The following LIPC variants were observed in gnomAD, a reference collection of about 807,000 sequenced individuals.
The protein encoded by LIPC is lipase C, hepatic type.
In LIPC, 44 loss-of-function variants were observed where a neutral mutation model predicts 50.7. That is an observed-to-expected ratio of 0.87 (90% CI 0.68 to 1.11). The LOEUF is 1.11. Among genes scored for constraint, LIPC ranks in the 50% most tolerant of loss-of-function variants. LIPC has a pLI of 0.00. For synonymous variants in LIPC, 271 were observed against 256.4 expected (o/e 1.06, Z -0.54); for missense variants, 697 against 648.2 (o/e 1.08, Z -0.82).
chr15:58,566,272 A>G (rs1295282357), intron 8 of LIPC: 1 of 985,364 alleles, frequency 1.0e-6, no homozygotes, highest in Non-Finnish European at 1.2e-6. Flanking sequence ...GAGGAGGCCA[A>G]GAGGTGTTCC....
At position 58,545,751 on chromosome 15, in the gene LIPC, C is replaced by T. The variant is rs1893502290; in HGVS notation, c.584C>T (p.Ala195Val). ...CCTGCTTTCCCATTAGGGCTGGATG[C>T]CGCGGGACCTTTGTTTGAGGGAAGT... ...HKIGRITGLDAAGPLFEGSAP... is the reference protein window; with the variant it reads ...HKIGRITGLDVAGPLFEGSAP... The change falls in exon 5 of 9, where the codon GCC becomes GTC. Residue 195 changes from alanine (A) to valine (V), a missense_variant. Ala to Val is a moderately conservative substitution (Grantham distance 64, BLOSUM62 0). Transcript: ENST00000299022. 2.5e-6 allele frequency: 4 copies of T among 1,614,150 alleles called. No homozygotes were observed. Among genetic ancestry groups the T allele is most frequent in the East Asian group, 2.2e-5 (1 of 44,874 alleles).
At chr15:58,518,811 GTGT>G (rs1412967001) in intron 1 of LIPC, among the ~76,000 whole-genome samples, 30 of 152,218 alleles carry the variant, frequency 2.0e-4, no homozygotes, top group African/African-American at 7.0e-4. Context: ...TCTGCTGGTG[GTGT>G]TGCCTGGAGA....
At chr15:58,559,110 C>A (rs1894064034) in intron 6 of LIPC, among the ~76,000 whole-genome samples, 1 of 152,164 alleles carries the variant, frequency 6.6e-6, no homozygotes, top group African/African-American at 2.4e-5. Flanking sequence ...GAAATAGTAC[C>A]ATTTAGGAGT....
intron 4 of LIPC, among the ~76,000 whole-genome samples, chr15:58,543,147 T>A (rs1250946454): frequency 6.6e-6 from 1 of 152,102 alleles, no homozygotes; most frequent in African/African-American, 2.4e-5. Context: ...CCATACACAC[T>A]CAGAAATGGC....
At chr15:58,550,180 A>C (rs551190960) in intron 6 of LIPC, among the ~76,000 whole-genome samples, 83 of 152,254 alleles carry the variant, frequency 5.5e-4, no homozygotes, top group African/African-American at 2.0e-3. Flanking sequence ...AAAAACTCCT[A>C]AACCTGCCGC....
chr15:58,471,464 C>T (rs1033768966), intron 1 of LIPC, among the ~76,000 whole-genome samples: 16 of 151,942 alleles, frequency 1.1e-4, no homozygotes, highest in Admixed American at 6.6e-4. Context: ...TAGCTTTAAA[C>T]ACAAGTGAGG....
At chr15:58,445,976 G>A (rs1893681057) in intron 1 of LIPC, among the ~76,000 whole-genome samples, 1 of 152,152 alleles carries the variant, frequency 6.6e-6, no homozygotes, top group Admixed American at 6.5e-5. Context: ...TTCAACTACA[G>A]AAAGAAGTTT....
intron 1 of LIPC, among the ~76,000 whole-genome samples, chr15:58,510,498 A>G (rs1892295354): frequency 6.6e-6 from 1 of 152,264 alleles, no homozygotes; most frequent in African/African-American, 2.4e-5. Context: ...ATGTTTTCTT[A>G]CAAAGTAACA....
intron 1 of LIPC, among the ~76,000 whole-genome samples, chr15:58,432,838 G>A (rs1459597169): frequency 6.6e-6 from 1 of 152,200 alleles, no homozygotes; most frequent in Non-Finnish European, 1.5e-5. Context: ...TTGGGAATTT[G>A]TTTTGGTACT....
rs530441626 is a variant in LIPC at position 58,445,712 on chromosome 15, G to A, written c.88+13592G>A. On this transcript the variant is annotated intron_variant, in intron 1 of 8. Coordinates refer to ENST00000299022, the MANE Select transcript of LIPC (RefSeq NM_000236.3). ...TCCCAGCTCCATCACTTCCCAGCACGTGGCCTTGAACAAATCACTCAAGGC... is the reference window on the plus strand; with the variant it reads ...TCCCAGCTCCATCACTTCCCAGCACATGGCCTTGAACAAATCACTCAAGGC... Among the ~76,000 whole-genome samples the A allele has an allele frequency of 7.9e-4, 121 of 152,292 alleles. 1 individual carries two copies. The highest frequency in any genetic ancestry group is 2.6e-3 in the African/African-American group (108 of 41,562).
chr15:58,496,365 G>T (rs1288713666), intron 1 of LIPC, among the ~76,000 whole-genome samples: 1 of 152,126 alleles, frequency 6.6e-6, no homozygotes, highest in Admixed American at 6.5e-5. Context: ...AAGGCTCTTT[G>T]TTTCTGTATC....
At chr15:58,505,183 C>A (rs1324495497) in intron 1 of LIPC, among the ~76,000 whole-genome samples, 2 of 152,238 alleles carry the variant, frequency 1.3e-5, no homozygotes, top group African/African-American at 2.4e-5. Context: ...GGCTACCACT[C>A]TACAGCCGGC....
chr15:58,459,237 A>T (rs1360266103), intron 1 of LIPC, among the ~76,000 whole-genome samples: 2 of 152,110 alleles, frequency 1.3e-5, no homozygotes, highest in African/African-American at 4.8e-5. Context: ...GCCTAGTGAA[A>T]CTTTGGCTTT....
chr15:58,438,929 T>C (rs1263558386), intron 1 of LIPC, among the ~76,000 whole-genome samples: 1 of 152,014 alleles, frequency 6.6e-6, no homozygotes, highest in Non-Finnish European at 1.5e-5. Context: ...TGGGGAGGCA[T>C]GGGGAAAAAG....
At chr15:58,457,559 T>C (rs1894178750) in intron 1 of LIPC, among the ~76,000 whole-genome samples, 1 of 152,238 alleles carries the variant, frequency 6.6e-6, no homozygotes, top group Non-Finnish European at 1.5e-5. Context: ...CCCCTCAGCA[T>C]GTAAGACCAC....
At chr15:58,522,022 G>C (rs1892673131) in intron 1 of LIPC, 1 of 152,116 alleles carries the variant, frequency 6.6e-6, no homozygotes, top group African/African-American at 2.4e-5. Context: ...GAAAGCACCT[G>C]GGGCAGGTAG....
intron 1 of LIPC, among the ~76,000 whole-genome samples, chr15:58,515,537 T>TATAG: frequency 7.1e-6 from 1 of 140,572 alleles, no homozygotes; most frequent in East Asian, 2.1e-4. Context: ...CACACACATA[T>TATAG]ATATATATAT....
At chr15:58,458,364 C>T (rs553256460) in intron 1 of LIPC, among the ~76,000 whole-genome samples, 26 of 152,298 alleles carry the variant, frequency 1.7e-4, no homozygotes, top group East Asian at 1.2e-3. Context: ...TCCCCCACCA[C>T]GTCCTTCTAC....
intron 1 of LIPC, among the ~76,000 whole-genome samples, chr15:58,476,357 G>C (rs1232136990): frequency 1.3e-5 from 2 of 152,218 alleles, no homozygotes; most frequent in Non-Finnish European, 2.9e-5. Context: ...GTCCCATTTA[G>C]TCTAATATCA....
Sources: allele counts gnomAD v4.1 joint callset (sites outside exome capture counted in the v4.1 genomes callset), GRCh38; gene constraint gnomAD v4.1.1; transcripts MANE v1.5; gene names NCBI Gene and HGNC (gene_info 2026-07-23, HGNC 2026-07-21).